PAPPA2: variants seen among roughly 807,000 people sequenced by gnomAD.
PAPPA2 encodes the protein pappalysin-2.
PAPPA2 carries 86 observed loss-of-function variants against 176.4 expected under a neutral mutation model. The observed-to-expected ratio is 0.49, with a 90% CI of 0.41 to 0.58. PAPPA2 has a LOEUF of 0.58. Among genes scored for constraint, PAPPA2 ranks in the 20% least tolerant of loss-of-function variants. The probability of loss-of-function intolerance (pLI) is 0.00; values close to 1 mark genes in which losing one functional copy is unlikely to be tolerated. For missense variants in PAPPA2, 2,073 were observed against 2,256.9 expected (o/e 0.92, Z 1.65); for synonymous variants, 809 against 852.2 (o/e 0.95, Z 0.88).
At chr1:176,691,110 A>G (rs1660103274) in intron 5 of PAPPA2, 1 of 985,074 alleles carries the variant, frequency 1.0e-6, no homozygotes, top group East Asian at 1.1e-4. Flanking sequence ...GCTGTCTCTC[A>G]CGCCTTCCTT....
intron 3 of PAPPA2, among the ~76,000 whole-genome samples, 170 bp downstream of exon 3, chr1:176,595,765 T>G (rs1223923889): frequency 6.6e-6 from 1 of 152,194 alleles, no homozygotes; most frequent in Non-Finnish European, 1.5e-5. Flanking sequence ...TGTTAGGTAA[T>G]TAGGGGCACA....
intron 1 of PAPPA2, among the ~76,000 whole-genome samples, chr1:176,548,603 A>G (rs948731415): frequency 1.1e-4 from 17 of 152,044 alleles, no homozygotes; most frequent in Non-Finnish European, 2.4e-4. Context: ...TATGGTGACC[A>G]TGAGTGAGAG....
chr1:176,711,943 G>C lies in PAPPA2; in HGVS notation c.3760G>C (p.Glu1254Gln). 6.2e-7 allele frequency: 1 copy of C among 1,613,668 alleles called. No individual in the cohort carries two copies. The highest frequency in any genetic ancestry group is 1.1e-5 in the South Asian group (1 of 91,056). Residue 1254 changes from glutamate to glutamine, a missense_variant, in exon 12 of 23, where the codon GAA becomes CAA. Around this residue, in one of 4 missense-constraint regions of PAPPA2, gnomAD observed 846 missense variants for 857.9 expected, o/e 0.99. Transcript: ENST00000367662. ...ETQDDRSEQPEGSLKKEDEVW... is the reference protein window; with the variant it reads ...ETQDDRSEQPQGSLKKEDEVW... ...TCAGGATGACAGGAGTGAACAGCCA[G>C]AAGGTAGCCTGAAGAAAGAGGATGA...
intron 1 of PAPPA2, among the ~76,000 whole-genome samples, chr1:176,486,809 A>T (rs768777424): frequency 6.6e-6 from 1 of 152,174 alleles, no homozygotes; most frequent in Non-Finnish European, 1.5e-5. Flanking sequence ...AAAAAAGCAC[A>T]CTTGAAGTTC....
chr1:176,802,348 A>G (rs761197508), intron 21 of PAPPA2, among the ~76,000 whole-genome samples: 1 of 152,192 alleles, frequency 6.6e-6, no homozygotes, highest in Non-Finnish European at 1.5e-5. Flanking sequence ...AATAAGTAAT[A>G]AAAAATGCAA....
intron 2 of PAPPA2, among the ~76,000 whole-genome samples, chr1:176,586,276 T>C (rs1368277521): frequency 8.5e-5 from 13 of 152,230 alleles, no homozygotes; most frequent in African/African-American, 3.1e-4. Flanking sequence ...TCAAATACAA[T>C]TCTATTTTTT....
rs146576426 is a variant in PAPPA2 at position 176,584,820 on chromosome 1, C to T, written c.920-9704C>T. On this transcript the variant is annotated intron_variant, in intron 2 of 22. Transcript: ENST00000367662. ...TGCCATCTCGGCGCAGTGCAACCTC[C>T]GCCTCCCAGGTTGAAGCAATTCTCT... is the stretch of plus-strand genomic sequence containing the variant. Among the ~76,000 whole-genome samples the T allele has an allele frequency of 7.4e-3, 1,131 of 152,134 alleles. 12 individuals carry two copies. The highest frequency in any genetic ancestry group is 0.024 in the Middle Eastern group (7 of 294).
intron 1 of PAPPA2, among the ~76,000 whole-genome samples, chr1:176,503,671 G>T (rs1648090465): frequency 6.6e-6 from 1 of 152,126 alleles, no homozygotes; most frequent in Non-Finnish European, 1.5e-5. Flanking sequence ...CCTTGTTCTT[G>T]TGCCATAGCT....
At chr1:176,565,860 C>G (rs1392089442) in intron 2 of PAPPA2, among the ~76,000 whole-genome samples, 1 of 152,150 alleles carries the variant, frequency 6.6e-6, no homozygotes, top group East Asian at 1.9e-4. Flanking sequence ...GGGAGTCCTT[C>G]CTAGTTGAAG....
At chr1:176,650,347 A>G (rs1007823316) in intron 3 of PAPPA2, among the ~76,000 whole-genome samples, 30 of 149,732 alleles carry the variant, frequency 2.0e-4, no homozygotes, top group Admixed American at 1.8e-3. Flanking sequence ...CAGCCACTGT[A>G]TGTCTTTTTT....
At chr1:176,758,046 G>A (rs1035618965) in intron 14 of PAPPA2, among the ~76,000 whole-genome samples, 6 of 152,322 alleles carry the variant, frequency 3.9e-5, no homozygotes, top group Non-Finnish European at 7.4e-5. Flanking sequence ...AAATAAAGGA[G>A]CAGAGAAACT....
At chr1:176,785,731 A>G (rs976647982) in intron 17 of PAPPA2, among the ~76,000 whole-genome samples, 26 of 152,104 alleles carry the variant, frequency 1.7e-4, no homozygotes, top group African/African-American at 5.6e-4. Flanking sequence ...ATGGAAGGCT[A>G]CATTCTTCTT....
At chr1:176,814,089 G>A (rs1666282053) in intron 21 of PAPPA2, among the ~76,000 whole-genome samples, 1 of 152,192 alleles carries the variant, frequency 6.6e-6, no homozygotes, top group South Asian at 2.1e-4. Context: ...AGATCAGATG[G>A]TTGTAGGTAG....
chr1:176,713,234 T>C (rs1188526819), intron 12 of PAPPA2, among the ~76,000 whole-genome samples: 1 of 151,828 alleles, frequency 6.6e-6, no homozygotes. Flanking sequence ...TAGCTTACTA[T>C]AGCCTTGAAC....
chr1:176,717,641 G>A (rs1661437788), intron 12 of PAPPA2, among the ~76,000 whole-genome samples: 1 of 152,176 alleles, frequency 6.6e-6, no homozygotes, highest in African/African-American at 2.4e-5. Context: ...CCTCTCCTTG[G>A]CTAAGCCCCA....
intron 3 of PAPPA2, among the ~76,000 whole-genome samples, chr1:176,600,661 G>C (rs1305074877): frequency 7.7e-6 from 1 of 130,242 alleles, no homozygotes; most frequent in Non-Finnish European, 1.6e-5. Flanking sequence ...GGGCGACAGA[G>C]CGAGACTCCG....
chr1:176,568,277 C>A (rs1443508408), intron 2 of PAPPA2, among the ~76,000 whole-genome samples: 8 of 152,156 alleles, frequency 5.3e-5, no homozygotes, highest in Admixed American at 5.2e-4. Flanking sequence ...CACGCTCAAT[C>A]ACTCTAAAAA....
At chr1:176,712,636 A>G (rs1044800390) in intron 12 of PAPPA2, among the ~76,000 whole-genome samples, 10 of 152,208 alleles carry the variant, frequency 6.6e-5, no homozygotes, top group African/African-American at 2.4e-4. Flanking sequence ...TTATGCTATT[A>G]CAAGTCATTC....
chr1:176,797,571 C>T (rs896120064), intron 20 of PAPPA2, among the ~76,000 whole-genome samples: 9 of 151,850 alleles, frequency 5.9e-5, no homozygotes, highest in Admixed American at 1.3e-4. Flanking sequence ...CACTTGAGCC[C>T]GAGAGATTGA....
Sources: gnomAD v4.1 joint callset for allele counts (sites outside exome capture counted in the v4.1 genomes callset) on GRCh38, gnomAD v4.1.1 for gene constraint, gnomAD v4.1.1 regional missense constraint, MANE v1.5 for transcripts, NCBI Gene and HGNC (gene_info 2026-07-23, HGNC 2026-07-21) for gene names.